The following NDUFA11 variants were observed in gnomAD, a reference collection of about 807,000 sequenced individuals.
NDUFA11 encodes NADH:ubiquinone oxidoreductase subunit A11, also known as NADH dehydrogenase [ubiquinone] 1 alpha subcomplex subunit 11.
Under a neutral mutation model 11.3 loss-of-function variants are expected in NDUFA11, and 14 were observed. That is an observed-to-expected ratio of 1.24 (90% confidence interval 0.82 to 1.94). NDUFA11 has a LOEUF of 1.94. Among genes scored for constraint, NDUFA11 ranks in the 30% most tolerant of loss-of-function variants. The pLI is 0.00. For synonymous variants in NDUFA11, 87 were observed against 85.6 expected (o/e 1.02, Z -0.09); for missense variants, 204 against 200.3 (o/e 1.02, Z -0.11).
chr19:5,895,909 G>A (rs530396160), intron 3 of NDUFA11: 16 of 175,710 alleles, frequency 9.1e-5, no homozygotes, highest in Non-Finnish European at 1.7e-4. Flanking sequence ...GTAAAGTGAA[G>A]GTTGCGGGGG....
chr19:5,897,331 C>G (rs1413367334), intron 1 of NDUFA11, among the ~76,000 whole-genome samples: 3 of 152,212 alleles, frequency 2.0e-5, no homozygotes, highest in Admixed American at 6.5e-5. Flanking sequence ...GGAGACTCAT[C>G]CACGTGGTGG....
chr19:5,901,178 G>A, intron 1 of NDUFA11: 3 of 606,648 alleles, frequency 4.9e-6, no homozygotes, highest in Middle Eastern at 7.2e-4. Context: ...TCCTCCAAAG[G>A]CCTCCTGAGA....
Position 5,894,752 on chromosome 19 carries a change from G to A in NDUFA11, c.416C>T (p.Pro139Leu), listed in dbSNP as rs2057596915. The A allele has an allele frequency of 6.2e-7, 1 of 1,613,266 alleles. No individual in the cohort carries two copies. Among genetic ancestry groups the A allele is most frequent in the Admixed American group, 1.7e-5 (1 of 59,990 alleles). ...CGGCAGGCACAGGGCTCACACCTTG[G>A]GTTTTGCAAACACCTCCCAGCCCTC... ...RLEGWEVFAK[P>L]KV Residue 139 changes from proline (P) to leucine (L), a missense_variant, in exon 4 of 4, where the codon CCC (proline) becomes CTC (leucine). Coordinates refer to ENST00000308961, the MANE Select transcript of NDUFA11 (RefSeq NM_175614.5).
At chr19:5,895,455 G>C (rs3889896) in intron 3 of NDUFA11, 8,273 of 153,858 alleles carry the variant, frequency 0.054, 512 homozygotes, top group African/African-American at 0.15. Flanking sequence ...CAACCCACCT[G>C]CAACCTCTGA....
chr19:5,892,996 C>A (rs762687545), downstream of NDUFA11: 2 of 1,526,086 alleles, frequency 1.3e-6, no homozygotes, highest in Non-Finnish European at 1.8e-6. Flanking sequence ...CCCTGCCCCT[C>A]TGGGTGCGGG....
Position 5,903,673 on chromosome 19 carries a change from G to A in NDUFA11, c.36C>T (p.Ile12=), listed in dbSNP as rs2057660196. 1.3e-6 allele frequency: 2 copies of A among 1,551,410 alleles called. No homozygotes were observed. Among genetic ancestry groups the A allele is most frequent in the Non-Finnish European group, 1.7e-6 (2 of 1,146,936 alleles). Reference sequence around the variant, plus strand: ...TGCGGTGGCAATCGGTGCCATCGGGGATATCCCAGTACTGACGAAAAACCT... The same window carrying A: ...TGCGGTGGCAATCGGTGCCATCGGGAATATCCCAGTACTGACGAAAAACCT... ...APKVFRQYWD[I]PDGTDCHRKA... is the part of the protein sequence containing the mutation. Residue 12 remains isoleucine, a synonymous_variant, in exon 1 of 4, where the codon ATC becomes ATT. Transcript: ENST00000308961.
downstream of NDUFA11, among the ~76,000 whole-genome samples, chr19:5,894,001 C>T (rs1298423566): frequency 2.0e-5 from 3 of 152,208 alleles, no homozygotes; most frequent in South Asian, 2.1e-4. Context: ...CTCCAGCTGC[C>T]AGGGAGCATG....
In NDUFA11 at chr19:5,896,742, C is replaced by T. The variant is rs1056278731; in HGVS notation, c.190+163G>A. 2 of 1,206,538 alleles carry T rather than the reference C, an allele frequency of 1.7e-6. No individual in the cohort carries two copies. The highest frequency in any genetic ancestry group is 1.8e-5 in the Admixed American group (1 of 54,264). The allele number at this position is 1,206,538 out of a possible 1,614,324, so 74.7% of individuals were successfully genotyped here. A position where few individuals can be genotyped will look rare whatever the true frequency, so the allele number is the denominator to read the frequency against. On this transcript the variant is annotated intron_variant, in intron 2 of 3. Coordinates refer to ENST00000308961, the MANE Select transcript of NDUFA11 (RefSeq NM_175614.5). This position sits in a 1 kb window ranked among gnomAD's most constrained non-coding sequence, Gnocchi z 5.8. The stretch of plus-strand genomic sequence containing the variant: ...GGAGCTGTTCTCCTGGGCCTCCCCA[C>T]CCTACATGTATTCCTGATAAAGGAA...
chr19:5,894,682 A>T lies in NDUFA11; in HGVS notation c.*60T>A. 1 of 1,583,524 alleles carries T rather than the reference A, an allele frequency of 6.3e-7. No individual in the cohort carries two copies. Among genetic ancestry groups the T allele is most frequent in the Non-Finnish European group, 8.6e-7 (1 of 1,165,318 alleles). On this transcript the variant is annotated 3_prime_UTR_variant, in exon 4 of 4. Transcript: ENST00000308961. Reference sequence around the variant, plus strand: ...GCCCTCCGGACACTGACACACACACAGACACAGAATTTATTTCTGGACGCA... The same window carrying T: ...GCCCTCCGGACACTGACACACACACTGACACAGAATTTATTTCTGGACGCA...
At chr19:5,892,755 C>G, downstream of NDUFA11, 1 of 944,252 alleles carries the variant, frequency 1.1e-6, no homozygotes, top group African/African-American at 1.6e-5. Flanking sequence ...GAGGCCGGTG[C>G]CCTCGAGTGG....
intron 1 of NDUFA11, chr19:5,901,485 T>C (rs1382417547): frequency 2.3e-6 from 3 of 1,278,014 alleles, no homozygotes; most frequent in Admixed American, 2.3e-5. Flanking sequence ...ATAACGTCTG[T>C]CTTACTATTA....
downstream of NDUFA11, chr19:5,893,201 T>C: frequency 6.5e-7 from 1 of 1,536,058 alleles, no homozygotes; most frequent in South Asian, 1.2e-5. This position sits in a 1 kb window ranked among gnomAD's most constrained non-coding sequence, Gnocchi z 4.1. Flanking sequence ...CTCATGCCTA[T>C]AATCCCAGCA....
Position 5,896,370 on chromosome 19 carries a change from C to A in NDUFA11, c.313+83G>T, listed in dbSNP as rs1182565271. On this transcript the variant is annotated intron_variant, in intron 3 of 3. Coordinates refer to ENST00000308961, the MANE Select transcript of NDUFA11 (RefSeq NM_175614.5). The surrounding 1 kb of genome is among the most constrained non-coding windows in gnomAD (Gnocchi z 5.8). ...GCTTTACTTCTTGTCCGGGATGGAA[C>A]AGAGAGGGTGGAGGATGAGCAGAGG... 5 of 1,393,540 alleles carry A rather than the reference C, an allele frequency of 3.6e-6. No homozygotes were observed. Among genetic ancestry groups the A allele is most frequent in the Non-Finnish European group, 4.8e-6 (5 of 1,041,732 alleles). The allele number at this position is 1,393,540 out of a possible 1,614,324, so 86.3% of individuals were successfully genotyped here.
chr19:5,893,948 A>C (rs1382616995), downstream of NDUFA11, among the ~76,000 whole-genome samples: 2 of 152,022 alleles, frequency 1.3e-5, no homozygotes, highest in Non-Finnish European at 2.9e-5. This position sits in a 1 kb window ranked among gnomAD's most constrained non-coding sequence, Gnocchi z 4.1. Flanking sequence ...GGAGCGCCCT[A>C]ATTTGCAGCC....
intron 1 of NDUFA11, among the ~76,000 whole-genome samples, chr19:5,897,708 A>G (rs1323456367): frequency 6.6e-6 from 1 of 152,150 alleles, no homozygotes; most frequent in Non-Finnish European, 1.5e-5. Context: ...ATTGGCTTCT[A>G]TGCATGAGGA....
chr19:5,896,520 C>T lies in NDUFA11; in HGVS notation c.246G>A (p.Glu82=), dbSNP rs1465907710. Residue 82 remains glutamate, a synonymous_variant, in exon 3 of 4, where the codon GAG becomes GAA. Transcript: ENST00000308961. The surrounding 1 kb of genome is among the most constrained non-coding windows in gnomAD (Gnocchi z 5.8). ...LTTCISAHVR[E]KPDDPLNYFL... ...AGTAGTTCAGGGGGTCGTCGGGCTT[C>T]TCGCGGACATGGGCGCTGATGCAGG... The T allele has an allele frequency of 4.5e-6, 7 of 1,570,854 alleles. No homozygotes were observed. In the South Asian group the frequency reaches 5.8e-5, roughly 13 times the overall value.
At chr19:5,899,063 GCA>G (rs149358572) in intron 1 of NDUFA11, among the ~76,000 whole-genome samples, 66 of 146,998 alleles carry the variant, frequency 4.5e-4, no homozygotes, top group Admixed American at 4.1e-4. Flanking sequence ...TTCAGTCAGT[GCA>G]CACACACACA....
At position 5,903,724 on chromosome 19, in the gene NDUFA11, T is replaced by TCCCGCACCACGGACCCCG; in HGVS notation, c.-34_-17dup. 1 of 1,550,932 alleles carries TCCCGCACCACGGACCCCG rather than the reference T, an allele frequency of 6.4e-7. No individual in the cohort carries two copies. The highest frequency in any genetic ancestry group is 1.2e-5 in the South Asian group (1 of 84,058). On this transcript the variant is annotated 5_prime_UTR_variant, in exon 1 of 4. Transcript: ENST00000308961. The stretch of plus-strand genomic sequence containing the variant: ...TCGGCGCCATAGCCCGCAATCTCGA[T>TCCCGCACCACGGACCCCG]CCCGCACCACGGACCCCGCCAGCTC...
Position 5,896,751 on chromosome 19 carries a change from T to A in NDUFA11, c.190+154A>T. ...CTCCTGGGCCTCCCCACCCTACATGTATTCCTGATAAAGGAACACCCCACT... is the reference window on the plus strand; with the variant it reads ...CTCCTGGGCCTCCCCACCCTACATGAATTCCTGATAAAGGAACACCCCACT... On this transcript the variant is annotated intron_variant, in intron 2 of 3. Coordinates refer to ENST00000308961, the MANE Select transcript of NDUFA11 (RefSeq NM_175614.5). The surrounding 1 kb of genome is among the most constrained non-coding windows in gnomAD (Gnocchi z 5.8). 2 of 1,188,172 alleles carry A rather than the reference T, an allele frequency of 1.7e-6. No homozygotes were observed. Among genetic ancestry groups the A allele is most frequent in the Admixed American group, 1.8e-5 (1 of 56,310 alleles). 73.6% of individuals were successfully genotyped at this position (1,188,172 alleles called of 1,614,324 possible).
Sources: allele counts gnomAD v4.1 joint callset (sites outside exome capture counted in the v4.1 genomes callset), GRCh38; gene constraint gnomAD v4.1.1; non-coding constraint Gnocchi (gnomAD v3.1); transcripts MANE v1.5; gene names NCBI Gene and HGNC (gene_info 2026-07-23, HGNC 2026-07-21).